YIPF7: variants seen among roughly 807,000 people sequenced by gnomAD.
The protein encoded by YIPF7 is Yip1 domain family member 7.
Under a neutral mutation model 27.2 loss-of-function variants are expected in YIPF7, and 35 were observed. That is an observed-to-expected ratio of 1.29 (90% confidence interval 0.98 to 1.70). The LOEUF is 1.70. Among genes scored for constraint, YIPF7 ranks in the 40% most tolerant of loss-of-function variants. The probability of loss-of-function intolerance (pLI) is 0.00; values close to 1 mark genes in which losing one functional copy is unlikely to be tolerated. For missense variants in YIPF7, 358 were observed against 303.7 expected (o/e 1.18, Z -1.33); for synonymous variants, 137 against 110.4 (o/e 1.24, Z -1.51).
At position 44,657,169 on chromosome 4, in the gene YIPF7, G is replaced by T. The variant is rs1349358477; in HGVS notation, c.-2+3280C>A. Among the ~76,000 whole-genome samples the T allele has an allele frequency of 2.0e-5, 3 of 152,260 alleles. No homozygotes were observed. In the East Asian group the frequency reaches 5.8e-4, roughly 29 times the overall value. On this transcript the variant is annotated intron_variant, in intron 2 of 2. Coordinates refer to the YIPF7 transcript ENST00000508947. ...TGAGGAAAATGACCAGATATAGTAT[G>T]TTTTTAATGTAATTGTCAATATACA...
chr4:44,626,103 T>G (rs759198344), intron 4 of YIPF7, among the ~76,000 whole-genome samples: 5 of 152,352 alleles, frequency 3.3e-5, no homozygotes, highest in Non-Finnish European at 7.4e-5. Context: ...TATTCTGAAT[T>G]CTTCTTCCTC....
upstream of YIPF7, among the ~76,000 whole-genome samples, chr4:44,656,522 TTAGA>T (rs1713905410): frequency 6.6e-6 from 1 of 151,984 alleles, no homozygotes; most frequent in Non-Finnish European, 1.5e-5. Flanking sequence ...AATATGAGGA[TTAGA>T]TAGAATTTTG....
intron 2 of YIPF7, among the ~76,000 whole-genome samples, chr4:44,638,202 T>C (rs1713202995): frequency 8.6e-6 from 1 of 115,610 alleles, no homozygotes; most frequent in Admixed American, 1.2e-4. Context: ...GGCTGTTGAG[T>C]TTCAGGATTT....
In YIPF7 at chr4:44,650,013, C is replaced by T. The variant is rs2348353; in HGVS notation, c.88G>A (p.Ala30Thr). The change falls in exon 2 of 6, where the codon GCC becomes ACC. Residue 30 changes from alanine to threonine, a missense_variant. Ala to Thr is a moderately conservative substitution (Grantham distance 58). Coordinates refer to ENST00000415895, the MANE Select transcript of YIPF7 (RefSeq NM_182592.3). ...CTAGATCCATAAAGATTTCCATAGG[C>T]ATTAGAGTCATTACCACTCTGCTCC... ...NQEQSGNDSN[A>T]YGNLYGSRKQ... 132,689 of 1,575,744 alleles carry T rather than the reference C, an allele frequency of 0.084. 6,888 individuals carry two copies. Among genetic ancestry groups the T allele is most frequent in the East Asian group, 0.24 (10,569 of 43,590 alleles).
upstream of YIPF7, among the ~76,000 whole-genome samples, chr4:44,653,025 G>T (rs1244707955): frequency 1.3e-5 from 2 of 152,048 alleles, no homozygotes; most frequent in Non-Finnish European, 2.9e-5. Context: ...TGAATACTCA[G>T]GGAAGGCTTC....
chr4:44,623,229 G>A (rs1712504216), intron 5 of YIPF7, among the ~76,000 whole-genome samples: 1 of 152,208 alleles, frequency 6.6e-6, no homozygotes, highest in South Asian at 2.1e-4. Context: ...AGATAGTTAA[G>A]TCTAGTCACT....
At chr4:44,645,392 A>G (rs1347333146) in intron 2 of YIPF7, among the ~76,000 whole-genome samples, 1 of 152,200 alleles carries the variant, frequency 6.6e-6, no homozygotes, top group Non-Finnish European at 1.5e-5. Context: ...AGTCTCTGAG[A>G]TAATGGATCT....
upstream of YIPF7, among the ~76,000 whole-genome samples, chr4:44,654,764 C>T (rs1240555954): frequency 6.6e-6 from 1 of 152,024 alleles, no homozygotes; most frequent in Non-Finnish European, 1.5e-5. Context: ...CAAATTCTAT[C>T]AATTCTGTCT....
Position 44,660,113 on chromosome 4 carries a change from C to CAAAAAAAAAAAAAAAAAAAAAAAAAAAAA in YIPF7, c.-2+335_-2+336insTTTTTTTTTTTTTTTTTTTTTTTTTTTTT, listed in dbSNP as rs11461675. Reference sequence around the variant, plus strand: ...TGGGTGACAGAGCAAGACTCTGTCTCAAAAAAAAAAAAAAAAAAAAAAACG... The same window carrying CAAAAAAAAAAAAAAAAAAAAAAAAAAAAA: ...TGGGTGACAGAGCAAGACTCTGTCTCAAAAAAAAAAAAAAAAAAAAAAAAAAAAAAAAAAAAAAAAAAAAAAAAAAAACG... On this transcript the variant is annotated intron_variant, in intron 2 of 2. Transcript: ENST00000508947. 2.4e-4 allele frequency among the ~76,000 whole-genome samples: 6 copies of CAAAAAAAAAAAAAAAAAAAAAAAAAAAAA among 25,520 alleles called. 1 individual carries two copies. Among genetic ancestry groups the CAAAAAAAAAAAAAAAAAAAAAAAAAAAAA allele is most frequent in the Non-Finnish European group, 2.4e-4 (3 of 12,538 alleles). 16.7% of individuals were successfully genotyped at this position (25,520 alleles called of 152,430 possible). A position where few individuals can be genotyped will look rare whatever the true frequency, so the allele number is the denominator to read the frequency against.
chr4:44,635,832 T>G, intron 3 of YIPF7, 90 bp downstream of exon 3: 1 of 1,418,280 alleles, frequency 7.1e-7, no homozygotes. Flanking sequence ...TAAGACACTG[T>G]ACACTGCAGG....
At chr4:44,658,527 G>T (rs1268923343) in intron 2 of YIPF7, among the ~76,000 whole-genome samples, 2 of 152,176 alleles carry the variant, frequency 1.3e-5, no homozygotes, top group South Asian at 4.1e-4. Flanking sequence ...TAAGATCAGA[G>T]AAAAGCATCC....
At chr4:44,647,316 C>T (rs1174682079) in intron 2 of YIPF7, among the ~76,000 whole-genome samples, 1 of 152,006 alleles carries the variant, frequency 6.6e-6, no homozygotes, top group African/African-American at 2.4e-5. Context: ...GTCCATGAGT[C>T]CTTGCTTAGG....
chr4:44,652,221 C>T (rs141672724), upstream of YIPF7, among the ~76,000 whole-genome samples: 94 of 152,236 alleles, frequency 6.2e-4, no homozygotes, highest in Non-Finnish European at 2.6e-4. Flanking sequence ...AGGTGTTAGG[C>T]CCATCCCCAC....
chr4:44,626,763 C>CTTTTTTTTT lies in YIPF7; in HGVS notation c.427-1990_427-1982dup, dbSNP rs71190269. 8.2e-3 allele frequency among the ~76,000 whole-genome samples: 569 copies of CTTTTTTTTT among 69,766 alleles called. 119 individuals are homozygous for CTTTTTTTTT. The highest frequency in any genetic ancestry group is 9.4e-3 in the Non-Finnish European group (386 of 41,078). 45.8% of individuals were successfully genotyped at this position (69,766 alleles called of 152,430 possible). On this transcript the variant is annotated intron_variant, in intron 4 of 5. Coordinates refer to ENST00000415895, the MANE Select transcript of YIPF7 (RefSeq NM_182592.3). ...CCCTATTCCATCCTCATTAGCACAT[C>CTTTTTTTTT]TTTTTTTTTTTTTTTTTTTTTTTTT...
intron 2 of YIPF7, among the ~76,000 whole-genome samples, chr4:44,658,763 A>G (rs1206514498): frequency 6.6e-6 from 1 of 152,186 alleles, no homozygotes; most frequent in East Asian, 1.9e-4. Flanking sequence ...ATGGCAGCAG[A>G]TAGGAGAATA....
At chr4:44,649,278 G>C (rs1338644952) in intron 2 of YIPF7, among the ~76,000 whole-genome samples, 1 of 152,124 alleles carries the variant, frequency 6.6e-6, no homozygotes, top group Non-Finnish European at 1.5e-5. Context: ...GTGATAGTTT[G>C]AAAAGAGGAG....
chr4:44,650,191 T>C (rs998180424), intron 1 of YIPF7, 90 bp from the exon 2 acceptor site: 18 of 787,642 alleles, frequency 2.3e-5, no homozygotes, highest in Non-Finnish European at 3.7e-5. Flanking sequence ...AATGTGATTA[T>C]GGCTGAATTC....
intron 1 of YIPF7, among the ~76,000 whole-genome samples, chr4:44,661,960 G>C (rs1459960565): frequency 6.6e-6 from 1 of 152,194 alleles, no homozygotes; most frequent in Admixed American, 6.5e-5. Context: ...CAGAGGTACT[G>C]TCAGCCTTTT....
At chr4:44,661,321 C>T (rs1340780991) in intron 1 of YIPF7, among the ~76,000 whole-genome samples, 1 of 152,142 alleles carries the variant, frequency 6.6e-6, no homozygotes, top group African/African-American at 2.4e-5. Flanking sequence ...ATCTTGTGAA[C>T]CCTCTCAGTT....
Sources: allele counts gnomAD v4.1 joint callset (sites outside exome capture counted in the v4.1 genomes callset), GRCh38; gene constraint gnomAD v4.1.1; transcripts MANE v1.5; gene names NCBI Gene and HGNC (gene_info 2026-07-23, HGNC 2026-07-21).